Variants in CORO1B observed in about 807,000 individuals in gnomAD.
The protein encoded by CORO1B is coronin-1B.
Under a neutral mutation model 51.1 loss-of-function variants are expected in CORO1B, and 30 were observed. The observed-to-expected ratio is 0.59, with a 90% CI of 0.44 to 0.80. The LOEUF (loss-of-function observed/expected upper bound fraction) is 0.80, where lower values mean the gene tolerates loss of function less well. CORO1B is among the 30% of genes least tolerant of loss of function. The pLI, the probability that CORO1B is intolerant of heterozygous loss-of-function variation, is 0.00. For synonymous variants in CORO1B, 310 were observed against 289.7 expected (o/e 1.07, Z -0.71); for missense variants, 648 against 700.4 (o/e 0.93, Z 0.84).
chr11:67,438,943 G>A lies in CORO1B; in HGVS notation c.1072C>T (p.Leu358Phe), dbSNP rs747374295. Residue 358 changes from leucine (L) to phenylalanine (F), a missense_variant, in exon 10 of 11, where the codon CTC (leucine) becomes TTC (phenylalanine). Physicochemically the swap from Leu to Phe is conservative, Grantham distance 22. Transcript: ENST00000341356. ...TCGGGGTACAGATCATCCTGGAAGA[G>A]GTCCGACTGGGCAGGGGGCCGGGGA... ...IVMTVPRKSD[L>F]FQDDLYPDTA... The A allele has an allele frequency of 5.6e-6, 9 of 1,599,476 alleles. No homozygotes were observed. Among genetic ancestry groups the A allele is most frequent in the Non-Finnish European group, 7.7e-6 (9 of 1,171,350 alleles).
chr11:67,440,969 G>A, intron 6 of CORO1B, 156 bp downstream of exon 6: 3 of 1,046,576 alleles, frequency 2.9e-6, no homozygotes, highest in Non-Finnish European at 2.8e-6. Flanking sequence ...CGAGCAGGGG[G>A]CAGGAGAGGA....
Position 67,436,498 on chromosome 11 carries a change from G to A in CORO1B, c.*1878C>T. 1.1e-6 allele frequency: 1 copy of A among 922,668 alleles called. No individual in the cohort carries two copies. Among genetic ancestry groups the A allele is most frequent in the South Asian group, 2.1e-5 (1 of 47,744 alleles). 57.2% of individuals were successfully genotyped at this position (922,668 alleles called of 1,614,324 possible). ...GCAGAAAAGGCCAAGGCCTTATTTGGTCAACCAGGCTCTGGCCCTGTGAGA... is the reference window on the plus strand; with the variant it reads ...GCAGAAAAGGCCAAGGCCTTATTTGATCAACCAGGCTCTGGCCCTGTGAGA... On this transcript the variant is annotated 3_prime_UTR_variant, in exon 11 of 11. Transcript: ENST00000341356.
intron 2 of CORO1B, 144 bp downstream of exon 2, chr11:67,442,284 G>C: frequency 8.2e-7 from 1 of 1,220,432 alleles, no homozygotes; most frequent in Non-Finnish European, 1.2e-6. Context: ...TTCCATCTGT[G>C]CTAACACTTG....
chr11:67,436,454 A>G lies in CORO1B; in HGVS notation c.*1922T>C. 5 of 1,318,004 alleles carry G rather than the reference A, an allele frequency of 3.8e-6. No homozygotes were observed. The East Asian group carries it at 1.3e-4, about 35-fold the overall frequency. The allele number at this position is 1,318,004 out of a possible 1,614,324, so 81.6% of individuals were successfully genotyped here. ...CCACTTTCGTTTTTTTCTCTTTGGG[A>G]TCCTCTTGGGACAGCCAAGCAGAAA... On this transcript the variant is annotated 3_prime_UTR_variant, in exon 11 of 11. Transcript: ENST00000341356.
upstream of CORO1B, chr11:67,443,675 T>A (rs1338257588): frequency 2.1e-6 from 2 of 948,348 alleles, no homozygotes. Flanking sequence ...CCGCAGCTCC[T>A]CCGGAAGAAG....
At chr11:67,443,595 G>T (rs1014805925), upstream of CORO1B, 7 of 697,822 alleles carry the variant, frequency 1.0e-5, no homozygotes, top group Admixed American at 1.3e-4. Flanking sequence ...GCGCCGGGGG[G>T]CCGGGAGCGG....
chr11:67,438,267 G>T lies in CORO1B; in HGVS notation c.*109C>A. 1.4e-6 allele frequency: 2 copies of T among 1,438,872 alleles called. No homozygotes were observed. The highest frequency in any genetic ancestry group is 1.9e-6 in the Non-Finnish European group (2 of 1,069,322). The allele number at this position is 1,438,872 out of a possible 1,614,324, so 89.1% of individuals were successfully genotyped here. On this transcript the variant is annotated 3_prime_UTR_variant, in exon 11 of 11. Coordinates refer to ENST00000341356, the MANE Select transcript of CORO1B (RefSeq NM_020441.3). ...CGGGTGGGGGTGGGAACTGACCCCT[G>T]CGCTGCCTCAGAGGCTCTGGGCAGC...
At position 67,439,036 on chromosome 11, in the gene CORO1B, C is replaced by G. The variant is rs969238056; in HGVS notation, c.1066-87G>C. 34 of 1,405,522 alleles carry G rather than the reference C, an allele frequency of 2.4e-5. No individual in the cohort carries two copies. The African/African-American group carries it at 4.7e-4, about 19-fold the overall frequency. The allele number at this position is 1,405,522 out of a possible 1,614,324, so 87.1% of individuals were successfully genotyped here. ...CTCCCCTGGCCTCCAGGCTTGCACT[C>G]TGTTAACCCATTCTCCCACGGCCTG... On this transcript the variant is annotated intron_variant, in intron 9 of 10. Coordinates refer to ENST00000341356, the MANE Select transcript of CORO1B (RefSeq NM_020441.3).
chr11:67,440,715 G>C (rs1350993127), intron 6 of CORO1B: 1 of 658,676 alleles, frequency 1.5e-6, no homozygotes, highest in Admixed American at 2.1e-5. Context: ...ACTGTGGGGA[G>C]CTGGGGTGCC....
At chr11:67,440,069 T>C (rs1864365095) in intron 8 of CORO1B, 49 bp downstream of exon 8, 1 of 1,565,730 alleles carries the variant, frequency 6.4e-7, no homozygotes, top group African/African-American at 1.4e-5. Context: ...TGACCTGACC[T>C]CTCACCTTAG....
Position 67,442,557 on chromosome 11 carries a change from C to T in CORO1B, c.72G>A (p.Gln24=). ...HVFGQPVKND[Q]CYEDIRVSRV... is the part of the protein sequence containing the mutation. The stretch of plus-strand genomic sequence containing the variant: ...GGGACACGCGAATGTCCTCATAGCA[C>T]TGGTCGTTCTTGACCGGCTGCCCGA... The change falls in exon 2 of 11, where the codon CAG becomes CAA. Residue 24 remains glutamine (Q), a synonymous_variant. Transcript: ENST00000341356. 6.2e-7 allele frequency: 1 copy of T among 1,613,848 alleles called. No individual in the cohort carries two copies. Among genetic ancestry groups the T allele is most frequent in the Non-Finnish European group, 8.5e-7 (1 of 1,180,020 alleles).
rs767654933 is a variant in CORO1B at position 67,441,745 on chromosome 11, G to A, written c.442C>T (p.Leu148=). ...IAWHPTARNV[L]LSAGCDNVVL... ...GGGCGGTGCAGACCTGCACTGAGCA[G>A]CACGTTTCGGGCCGTGGGGTGCCAG... The change falls in exon 4 of 11, where the codon CTG becomes TTG. Residue 148 remains leucine (L), a synonymous_variant. Coordinates refer to ENST00000341356, the MANE Select transcript of CORO1B (RefSeq NM_020441.3). The A allele has an allele frequency of 1.2e-6, 2 of 1,610,918 alleles. No homozygotes were observed. Among genetic ancestry groups the A allele is most frequent in the Admixed American group, 3.3e-5 (2 of 59,946 alleles).
rs1227497866 is a variant in CORO1B at position 67,435,988 on chromosome 11, G to A, written c.*2388C>T. On this transcript the variant is annotated 3_prime_UTR_variant, in exon 11 of 11. Coordinates refer to ENST00000341356, the MANE Select transcript of CORO1B (RefSeq NM_020441.3). ...CGCCTTCCCCAGGGTCAGCCTGCAG[G>A]CCACCATCCGCGACGTGGTCATAGT... 1 of 1,613,618 alleles carries A rather than the reference G, an allele frequency of 6.2e-7. No individual in the cohort carries two copies. Among genetic ancestry groups the A allele is most frequent in the African/African-American group, 1.3e-5 (1 of 74,892 alleles).
intron 9 of CORO1B, 27 bp from the exon 10 acceptor site, chr11:67,438,976 A>G (rs768263357): frequency 6.3e-7 from 1 of 1,579,982 alleles, no homozygotes; most frequent in Non-Finnish European, 8.6e-7. Context: ...GGAGGTCAGG[A>G]TCAGTTAGGA....
rs955818928 is a variant in CORO1B, at chr11:67,435,883, G to A, written c.*2493C>T. 10 of 1,611,440 alleles carry A rather than the reference G, an allele frequency of 6.2e-6. No homozygotes were observed. Among genetic ancestry groups the A allele is most frequent in the Admixed American group, 5.0e-5 (3 of 59,932 alleles). ...GTCCTGGGGAGCCGAGGACCAGGTCGCCCTCCGTGTCACTGTCTCTGGCTT... is the reference window on the plus strand; with the variant it reads ...GTCCTGGGGAGCCGAGGACCAGGTCACCCTCCGTGTCACTGTCTCTGGCTT... On this transcript the variant is annotated 3_prime_UTR_variant, in exon 11 of 11. Coordinates refer to ENST00000341356, the MANE Select transcript of CORO1B (RefSeq NM_020441.3).
chr11:67,439,647 G>A lies in CORO1B; in HGVS notation c.1065+139C>T. The A allele has an allele frequency of 9.6e-6, 9 of 934,468 alleles. No individual in the cohort carries two copies. In the South Asian group the frequency reaches 1.3e-4, roughly 13 times the overall value. The allele number at this position is 934,468 out of a possible 1,614,324, so 57.9% of individuals were successfully genotyped here. On this transcript the variant is annotated intron_variant, in intron 9 of 10. Transcript: ENST00000341356. ...CAGCCCAACAGCTGGCTGGTACAAG[G>A]GCAAGCTGGCATCTGTCCAGCTCAC...
At chr11:67,443,027 GGAA>G (rs1221776042) in intron 1 of CORO1B, among the ~76,000 whole-genome samples, 4 of 152,172 alleles carry the variant, frequency 2.6e-5, no homozygotes, top group Non-Finnish European at 4.4e-5. Context: ...TAGGTAATGG[GGAA>G]GAAGGAGAGA....
At chr11:67,440,723 G>T in intron 6 of CORO1B, 1 of 655,222 alleles carries the variant, frequency 1.5e-6, no homozygotes, top group Non-Finnish European at 2.8e-6. Flanking sequence ...GAGCTGGGGT[G>T]CCAGCGGCAC....
intron 8 of CORO1B, 24 bp downstream of exon 8, chr11:67,440,094 G>T (rs182870017): frequency 6.3e-7 from 1 of 1,594,072 alleles, no homozygotes; most frequent in Non-Finnish European, 8.6e-7. Context: ...CCCTATCCCC[G>T]AGTGGCCTCG....
Sources: gnomAD v4.1 joint callset for allele counts (sites outside exome capture counted in the v4.1 genomes callset) on GRCh38, gnomAD v4.1.1 for gene constraint, MANE v1.5 for transcripts, NCBI Gene and HGNC (gene_info 2026-07-23, HGNC 2026-07-21) for gene names.